Variants in ZNF724 observed in about 807,000 individuals in gnomAD.
The protein encoded by ZNF724 is zinc finger protein 724 pseudogene.
In ZNF724, 14 loss-of-function variants were observed where a neutral mutation model predicts 29.3. That is an observed-to-expected ratio of 0.48 (90% CI 0.32 to 0.75). The LOEUF (loss-of-function observed/expected upper bound fraction) is 0.75. ZNF724 is among the 30% of genes least tolerant of loss of function. The pLI, the probability that ZNF724 is intolerant of heterozygous loss-of-function variation, is 0.04. For missense variants in ZNF724, 557 were observed against 571.2 expected (o/e 0.98, Z 0.25); for synonymous variants, 180 against 193.6 (o/e 0.93, Z 0.58).
At position 23,231,361 on chromosome 19, in the gene ZNF724, C is replaced by G. The variant is rs773240209; in HGVS notation, c.131G>C (p.Gly44Ala). 1.5e-6 allele frequency: 2 copies of G among 1,374,578 alleles called. No individual in the cohort carries two copies. The highest frequency in any genetic ancestry group is 2.9e-5 in the African/African-American group (2 of 70,124). The allele number at this position is 1,374,578 out of a possible 1,614,324, so 85.1% of individuals were successfully genotyped here. ...CAGGTCTGGCTTAGAGACAGCAATA[C>G]CTGTTTTATTAAAAATAAATAACAT... The part of the protein sequence containing the change: ...LENYRNLVFL[G>A]IAVSKPDLIT... Residue 44 changes from glycine to alanine, a missense_variant and splice_region_variant, in exon 3 of 4, where the codon GGT (glycine) becomes GCT (alanine). This residue lies in a region of ZNF724 where 25 missense variants were observed against 54.9 expected (regional missense o/e 0.46). Transcript: ENST00000418100.
intron 3 of ZNF724, among the ~76,000 whole-genome samples, chr19:23,227,281 G>T (rs369385004): frequency 6.6e-6 from 1 of 151,990 alleles, no homozygotes. Flanking sequence ...CAGGCCAGGC[G>T]TGGTGGCTCA....
intron 1 of ZNF724, among the ~76,000 whole-genome samples, chr19:23,233,802 A>C (rs1037291220): frequency 3.3e-5 from 5 of 151,652 alleles, no homozygotes; most frequent in African/African-American, 1.2e-4. Context: ...TAGCTGAAAA[A>C]AAAAAAAATG....
At chr19:23,231,227 C>T (rs762545283) in intron 3 of ZNF724, 39 bp downstream of exon 3, 5 of 1,236,144 alleles carry the variant, frequency 4.0e-6, no homozygotes, top group Non-Finnish European at 5.8e-6. Flanking sequence ...ACATTTGGAC[C>T]TCTCATCTGT....
intron 1 of ZNF724, among the ~76,000 whole-genome samples, chr19:23,246,886 G>A (rs1042930807): frequency 2.0e-5 from 3 of 152,036 alleles, no homozygotes; most frequent in African/African-American, 7.2e-5. Flanking sequence ...CTCTCTAAAA[G>A]CTAATGCTTG....
At position 23,222,423 on chromosome 19, in the gene ZNF724, G is replaced by GT. The variant is rs1382174091; in HGVS notation, c.1821dup (p.His608ThrfsTer11). Reference sequence around the variant, plus strand: ...TTTTCTACAGCATGAATTTTCTTGTGTGTAGTAAGGTTTGAGCATTGGTTA... The same window carrying GT: ...TTTTCTACAGCATGAATTTTCTTGTGTTGTAGTAAGGTTTGAGCATTGGTTA... On this transcript the variant is annotated frameshift_variant, in exon 4 of 4. Coordinates refer to ENST00000418100, the MANE Select transcript of ZNF724 (RefSeq NM_001355404.2). LOFTEE classifies it high-confidence loss of function. 1 of 1,220,216 alleles carries GT rather than the reference G, an allele frequency of 8.2e-7. No homozygotes were observed. The highest frequency in any genetic ancestry group is 1.5e-5 in the African/African-American group (1 of 67,392). 75.6% of individuals were successfully genotyped at this position (1,220,216 alleles called of 1,614,324 possible).
At chr19:23,236,094 G>A (rs1972017469) in intron 1 of ZNF724, among the ~76,000 whole-genome samples, 1 of 152,162 alleles carries the variant, frequency 6.6e-6, no homozygotes, top group Non-Finnish European at 1.5e-5. Flanking sequence ...CCTCATGACA[G>A]GAGGTAATTT....
chr19:23,244,467 C>G (rs11879346), intron 1 of ZNF724, among the ~76,000 whole-genome samples: 47,828 of 151,842 alleles, frequency 0.31, 8,078 homozygotes, highest in African/African-American at 0.44. Context: ...ATTCTTTCCT[C>G]TAAGTTTTCA....
intron 3 of ZNF724, among the ~76,000 whole-genome samples, chr19:23,226,013 C>A (rs1479245032): frequency 6.6e-6 from 1 of 150,846 alleles, no homozygotes; most frequent in East Asian, 2.0e-4. Flanking sequence ...CACCCCATGC[C>A]TGGTTATTTT....
At chr19:23,231,796 C>T (rs771395191) in intron 2 of ZNF724, among the ~76,000 whole-genome samples, 4 of 151,474 alleles carry the variant, frequency 2.6e-5, no homozygotes, top group East Asian at 1.9e-4. Context: ...TACAGTGGTA[C>T]GATCTCGGCT....
chr19:23,224,759 AC>A (rs1164349987), intron 3 of ZNF724, among the ~76,000 whole-genome samples: 4 of 151,916 alleles, frequency 2.6e-5, no homozygotes, highest in African/African-American at 9.7e-5. Context: ...GTTTGGAACC[AC>A]CCCGGCCAAT....
At chr19:23,246,894 T>C (rs1402369239) in intron 1 of ZNF724, among the ~76,000 whole-genome samples, 2 of 152,178 alleles carry the variant, frequency 1.3e-5, no homozygotes, top group South Asian at 2.1e-4. Context: ...AAGCTAATGC[T>C]TGAAATTGTG....
At chr19:23,237,511 T>C (rs918309265) in intron 1 of ZNF724, among the ~76,000 whole-genome samples, 1 of 152,088 alleles carries the variant, frequency 6.6e-6, no homozygotes, top group African/African-American at 2.4e-5. Flanking sequence ...AATTTAGTTA[T>C]AATACTTTAT....
At chr19:23,243,462 C>G (rs555527428) in intron 1 of ZNF724, among the ~76,000 whole-genome samples, 2 of 92,856 alleles carry the variant, frequency 2.2e-5, no homozygotes, top group African/African-American at 1.0e-4. Flanking sequence ...AGTGACAGAG[C>G]GAGAGTCCAT....
chr19:23,236,724 A>G (rs1391274839), intron 1 of ZNF724: 1 of 152,214 alleles, frequency 6.6e-6, no homozygotes, highest in Non-Finnish European at 1.5e-5. Context: ...AGCATTATGA[A>G]GAAAGGGGAC....
chr19:23,240,791 G>A (rs961945138), intron 1 of ZNF724, among the ~76,000 whole-genome samples: 3 of 150,488 alleles, frequency 2.0e-5, no homozygotes, highest in African/African-American at 7.3e-5. Flanking sequence ...CAGCACTTTG[G>A]GAGGCCGAGG....
chr19:23,245,561 A>G (rs573384842), intron 1 of ZNF724, among the ~76,000 whole-genome samples: 14 of 152,002 alleles, frequency 9.2e-5, no homozygotes, highest in South Asian at 8.3e-4. Flanking sequence ...TGCAGTGAGC[A>G]GAGATCGCGC....
At chr19:23,237,305 C>T (rs1046001946) in intron 1 of ZNF724, among the ~76,000 whole-genome samples, 2 of 152,032 alleles carry the variant, frequency 1.3e-5, no homozygotes, top group African/African-American at 2.4e-5. Context: ...TAGCAGTATT[C>T]GAGTTTAGTA....
At chr19:23,230,390 C>T (rs1971914388) in intron 3 of ZNF724, among the ~76,000 whole-genome samples, 1 of 152,158 alleles carries the variant, frequency 6.6e-6, no homozygotes, top group South Asian at 2.1e-4. Context: ...ATAAAATTTA[C>T]TTGAAACTTC....
chr19:23,231,664 A>G (rs974565045), intron 2 of ZNF724, among the ~76,000 whole-genome samples: 2 of 152,120 alleles, frequency 1.3e-5, no homozygotes, highest in African/African-American at 2.4e-5. Context: ...CAGGAATATA[A>G]AAAGTCCAGA....
Sources: allele counts gnomAD v4.1 joint callset (sites outside exome capture counted in the v4.1 genomes callset), GRCh38; gene constraint gnomAD v4.1.1; regional missense constraint gnomAD v4.1.1; transcripts MANE v1.5; gene names NCBI Gene and HGNC (gene_info 2026-07-23, HGNC 2026-07-21).